Variants in NLRC5 observed in about 807,000 individuals in gnomAD.
The protein encoded by NLRC5 is protein NLRC5.
In NLRC5, 114 loss-of-function variants were observed where a neutral mutation model predicts 206.9. That is an observed-to-expected ratio of 0.55 (90% CI 0.47 to 0.64). NLRC5 has a LOEUF of 0.64. Ranked by LOEUF, NLRC5 falls within the 30% of genes least tolerant of loss-of-function variation. NLRC5 has a pLI of 0.00. For synonymous variants in NLRC5, 952 were observed against 962.8 expected, an observed-to-expected ratio of 0.99 and a Z score of 0.21; for missense variants, 2,008 against 2,305.5, an observed-to-expected ratio of 0.87 and a Z score of 2.64.
chr16:57,070,259 G>GTA (rs1238418593), intron 37 of NLRC5, among the ~76,000 whole-genome samples: 1 of 151,570 alleles, frequency 6.6e-6, no homozygotes, highest in East Asian at 1.9e-4. Flanking sequence ...GTGTGTGTGT[G>GTA]TGTGTGTGTC....
intron 3 of NLRC5, among the ~76,000 whole-genome samples, chr16:57,021,763 T>C (rs781255080): frequency 7.9e-5 from 12 of 152,348 alleles, no homozygotes; most frequent in South Asian, 6.2e-4. Flanking sequence ...TGGGGATTTC[T>C]TGGGCACCTT....
chr16:57,018,160 G>T (rs1230832013), intron 2 of NLRC5, among the ~76,000 whole-genome samples: 1 of 152,226 alleles, frequency 6.6e-6, no homozygotes, highest in East Asian at 1.9e-4. Flanking sequence ...TGCTGCCCTG[G>T]ACCATTTCTT....
rs1373105668 is a variant in NLRC5 at position 57,043,794 on chromosome 16, A to G, written c.3203+190A>G. 68 of 619,660 alleles carry G rather than the reference A, an allele frequency of 1.1e-4. No homozygotes were observed. In the South Asian group the frequency reaches 1.2e-3, roughly 10 times the overall value. The allele number at this position is 619,660 out of a possible 1,614,324, so 38.4% of individuals were successfully genotyped here. ...TGAATGATCAAATGAATGAATAAGT[A>G]TGGCCTCACGGATGCTCAAATTTCT... On this transcript the variant is annotated intron_variant, in intron 20 of 48. Coordinates refer to ENST00000688547, the MANE Select transcript of NLRC5 (RefSeq NM_001384950.1).
intron 1 of NLRC5, among the ~76,000 whole-genome samples, chr16:57,015,261 T>C (rs534121600): frequency 6.6e-6 from 1 of 152,252 alleles, no homozygotes; most frequent in East Asian, 1.9e-4. Flanking sequence ...AGTAATCCCA[T>C]CATAAGGGGT....
chr16:57,063,098 T>TTTCC (rs2066707454), intron 32 of NLRC5, among the ~76,000 whole-genome samples: 2 of 148,584 alleles, frequency 1.3e-5, no homozygotes, highest in African/African-American at 5.0e-5. Flanking sequence ...TGTGTCAGAC[T>TTTCC]TTCCTTCCTT....
At chr16:57,054,090 C>G (rs183177855) in intron 24 of NLRC5, among the ~76,000 whole-genome samples, 90 of 152,244 alleles carry the variant, frequency 5.9e-4, no homozygotes, top group South Asian at 5.0e-3. Context: ...ACCCATCTCA[C>G]TTTCTCTAAG....
chr16:57,024,791 G>C (rs2061094122), intron 5 of NLRC5, among the ~76,000 whole-genome samples: 1 of 152,150 alleles, frequency 6.6e-6, no homozygotes, highest in East Asian at 1.9e-4. Flanking sequence ...AGGTGGATCA[G>C]TTGAGCCCAG....
rs566541954 is a variant in NLRC5, at chr16:57,034,187, C to G, written c.2563C>G (p.Gln855Glu). ...CCCAAGGCTGCAGAAGTGTCAGCTC[C>G]AGGTCCACGATGCGGAGGCCCTCAT... is the stretch of plus-strand genomic sequence containing the variant. ...LTLRLQKCQL[Q>E]VHDAEALIAL... The change falls in exon 13 of 49, where the codon CAG becomes GAG. Residue 855 changes from glutamine (Q) to glutamate (E), a missense_variant. Gln to Glu is a conservative substitution (Grantham distance 29, BLOSUM62 2). Coordinates refer to ENST00000688547, the MANE Select transcript of NLRC5 (RefSeq NM_001384950.1). 1.9e-6 allele frequency: 3 copies of G among 1,614,098 alleles called. No individual in the cohort carries two copies. In the Admixed American group the frequency reaches 5.0e-5, roughly 27 times the overall value.
At chr16:57,024,870 T>C (rs1209804080) in intron 5 of NLRC5, among the ~76,000 whole-genome samples, 1 of 151,862 alleles carries the variant, frequency 6.6e-6, no homozygotes, top group Admixed American at 6.6e-5. Context: ...ATTAGCTGGG[T>C]GTGGTGGTGT....
chr16:57,052,102 CA>C (rs2065000658), intron 24 of NLRC5, among the ~76,000 whole-genome samples: 1 of 151,990 alleles, frequency 6.6e-6, no homozygotes, highest in Non-Finnish European at 1.5e-5. Context: ...GTCAAACTCG[CA>C]AAAAGGGAAT....
Position 57,026,664 on chromosome 16 carries a change from G to T in NLRC5, c.1721G>T (p.Arg574Leu). The T allele has an allele frequency of 1.2e-6, 2 of 1,614,060 alleles. No homozygotes were observed. The highest frequency in any genetic ancestry group is 8.5e-7 in the Non-Finnish European group (1 of 1,179,978). The change falls in exon 6 of 49, where the codon CGC becomes CTC. Residue 574 changes from arginine (R) to leucine (L), a missense_variant. Physicochemically the swap from Arg to Leu is moderately radical, Grantham distance 102. Coordinates refer to ENST00000688547, the MANE Select transcript of NLRC5 (RefSeq NM_001384950.1). ...FLAGLASCTC[R>L]PFLSHLAQGN... ...GCGGGCCTGGCATCCTGCACCTGCCGCCCCTTCCTTAGCCACCTGGCGCAG... is the reference window on the plus strand; with the variant it reads ...GCGGGCCTGGCATCCTGCACCTGCCTCCCCTTCCTTAGCCACCTGGCGCAG...
intron 41 of NLRC5, 29 bp from the exon 42 acceptor site, chr16:57,077,690 A>G (rs2068574186): frequency 2.6e-6 from 4 of 1,538,124 alleles, no homozygotes; most frequent in Non-Finnish European, 3.5e-6. Context: ...GGGGCATCAG[A>G]GGACCTGATG....
In NLRC5 at chr16:57,045,439, T is replaced by C. The variant is rs201944799; in HGVS notation, c.3204-9T>C. On this transcript the variant is annotated splice_polypyrimidine_tract_variant and intron_variant, in intron 20 of 48. Transcript: ENST00000688547. The stretch of plus-strand genomic sequence containing the variant: ...CATTTTCAAACTGCTGCTTCCTCTC[T>C]GCTTCCAGCTTTGAAAGCCAACACA... The C allele has an allele frequency of 2.7e-3, 4,305 of 1,614,120 alleles. 7 individuals are homozygous for C. The highest frequency in any genetic ancestry group is 3.5e-3 in the Non-Finnish European group (4,085 of 1,179,968).
intron 11 of NLRC5, among the ~76,000 whole-genome samples, chr16:57,031,946 G>T (rs1169839925): frequency 6.6e-6 from 1 of 151,768 alleles, no homozygotes; most frequent in Non-Finnish European, 1.5e-5. Flanking sequence ...GGCCAGTCTT[G>T]GATGGGCTGA....
In NLRC5 at chr16:57,082,673, C is replaced by T. The variant is rs2069294559; in HGVS notation, c.*145C>T. 2 of 606,900 alleles carry T rather than the reference C, an allele frequency of 3.3e-6. No homozygotes were observed. Among genetic ancestry groups the T allele is most frequent in the Non-Finnish European group, 5.7e-6 (2 of 349,808 alleles). 37.6% of individuals were successfully genotyped at this position (606,900 alleles called of 1,614,324 possible). On this transcript the variant is annotated 3_prime_UTR_variant, in exon 49 of 49. Transcript: ENST00000688547. ...CAGGAGGAAGGATACGTGTGTCCTG[C>T]TGCAGTCCTCAGGGAGAACTTTTTT...
At chr16:57,008,633 C>T (rs906512995) in intron 1 of NLRC5, among the ~76,000 whole-genome samples, 7 of 152,154 alleles carry the variant, frequency 4.6e-5, no homozygotes, top group African/African-American at 1.7e-4. Flanking sequence ...AAAAACAACC[C>T]TTTATTAAAT....
chr16:57,046,496 G>T, intron 21 of NLRC5, 56 bp from the exon 22 acceptor site: 7 of 1,454,056 alleles, frequency 4.8e-6, no homozygotes, highest in East Asian at 2.3e-5. Context: ...TATGGGCTGG[G>T]CTGGGAGTCC....
At chr16:57,029,688 G>A (rs2061593075) in intron 8 of NLRC5, 85 bp from the exon 9 acceptor site, 2 of 1,074,520 alleles carry the variant, frequency 1.9e-6, no homozygotes, top group African/African-American at 3.1e-5. Context: ...TCCCACATGA[G>A]GGTGGCCATC....
chr16:57,074,814 G>T, intron 39 of NLRC5, 131 bp downstream of exon 39: 2 of 833,660 alleles, frequency 2.4e-6, no homozygotes, highest in South Asian at 1.4e-5. Flanking sequence ...GCCCATCCCT[G>T]TGCCCTCCCA....
Sources: gnomAD v4.1 joint callset for allele counts (sites outside exome capture counted in the v4.1 genomes callset) on GRCh38, gnomAD v4.1.1 for gene constraint, MANE v1.5 for transcripts, NCBI Gene and HGNC (gene_info 2026-07-23, HGNC 2026-07-21) for gene names.